SARDH: variants seen among roughly 807,000 people sequenced by gnomAD.
SARDH encodes sarcosine dehydrogenase, mitochondrial.
A neutral mutation model predicts 109.1 loss-of-function variants in SARDH; 95 were observed. The observed-to-expected ratio is 0.87, with a 90% CI of 0.74 to 1.03. The LOEUF (loss-of-function observed/expected upper bound fraction) is 1.03, where lower values mean the gene tolerates loss of function less well. SARDH is among the 50% of genes least tolerant of loss of function. The probability of loss-of-function intolerance (pLI) is 0.00; values close to 1 mark genes in which losing one functional copy is unlikely to be tolerated. For missense variants in SARDH, 1,267 were observed against 1,287.8 expected, an observed-to-expected ratio of 0.98 and a Z score of 0.25; for synonymous variants, 572 against 534.8, an observed-to-expected ratio of 1.07 and a Z score of -0.96.
intron 6 of SARDH, 75 bp downstream of exon 6, chr9:133,729,690 G>T: frequency 7.5e-6 from 10 of 1,332,936 alleles, no homozygotes; most frequent in Non-Finnish European, 9.5e-6. Context: ...ACACCACCTG[G>T]GTTCAAGCTG....
chr9:133,680,116 C>T (rs1370039638), intron 17 of SARDH, among the ~76,000 whole-genome samples: 1 of 152,192 alleles, frequency 6.6e-6, no homozygotes, highest in Non-Finnish European at 1.5e-5. Flanking sequence ...TGAAATTCTC[C>T]CTGGATTCAG....
At chr9:133,682,055 G>A (rs181228770) in intron 17 of SARDH, among the ~76,000 whole-genome samples, 123 of 152,288 alleles carry the variant, frequency 8.1e-4, no homozygotes, top group African/African-American at 2.9e-3. Context: ...AGAGTGACCC[G>A]GGACCATGAA....
At chr9:133,659,632 G>C (rs1438601400), downstream of SARDH, among the ~76,000 whole-genome samples, 4 of 152,282 alleles carry the variant, frequency 2.6e-5, no homozygotes, top group African/African-American at 9.6e-5. Context: ...GAGTCCCCTC[G>C]CATCAGCTAA....
intron 17 of SARDH, among the ~76,000 whole-genome samples, chr9:133,684,609 A>T (rs1830817257): frequency 1.3e-5 from 2 of 152,192 alleles, no homozygotes; most frequent in Admixed American, 1.3e-4. Context: ...GCCAGGTCCC[A>T]TGGAGTGCTG....
At chr9:133,662,194 G>T (rs1026015867), downstream of SARDH, among the ~76,000 whole-genome samples, 1 of 152,118 alleles carries the variant, frequency 6.6e-6, no homozygotes, top group African/African-American at 2.4e-5. This position sits in a 1 kb window ranked among gnomAD's most constrained non-coding sequence, Gnocchi z 5.1. Flanking sequence ...GCGCAGCCAG[G>T]TTCTCTCTCC....
rs1184259058 is a variant in SARDH at position 133,719,004 on chromosome 9, G to A, written c.954C>T (p.Tyr318=). ...ACAAGGCATCCCCTTGGAGGCGGAG[G>A]TAGACAGAGGCATCATGATCACGGA... The part of the protein sequence containing the change: ...PNVRDHDASV[Y]LRLQGDALSV... The change falls in exon 7 of 21, where the codon TAC becomes TAT. Residue 318 remains tyrosine, a synonymous_variant. Coordinates refer to ENST00000439388, the MANE Select transcript of SARDH (RefSeq NM_001134707.2). 4 of 1,614,226 alleles carry A rather than the reference G, an allele frequency of 2.5e-6. No individual in the cohort carries two copies. Among genetic ancestry groups the A allele is most frequent in the Middle Eastern group, 1.6e-4 (1 of 6,062 alleles).
At chr9:133,661,142 C>T (rs532148653), downstream of SARDH, among the ~76,000 whole-genome samples, 1 of 152,196 alleles carries the variant, frequency 6.6e-6, no homozygotes, top group South Asian at 2.1e-4. Flanking sequence ...TAGTTCGAGA[C>T]CAGCCTGGCC....
In SARDH at chr9:133,717,387, G is replaced by A. The variant is rs148949696; in HGVS notation, c.1089C>T (p.Gly363=). ...CCAGCACGGGGACCCTGTTGATGGC[G>A]CCTTCAATGTGCTGGGTGAACACCT... The part of the protein sequence containing the change: ...DWEVFTQHIE[G]AINRVPVLEK... The change falls in exon 8 of 21, where the codon GGC becomes GGT. Residue 363 remains glycine, a synonymous_variant. Transcript: ENST00000439388. The A allele has an allele frequency of 1.1e-4, 170 of 1,614,016 alleles. No homozygotes were observed. The highest frequency in any genetic ancestry group is 1.4e-4 in the Non-Finnish European group (163 of 1,180,014).
intron 2 of SARDH, 130 bp from the exon 3 acceptor site, chr9:133,732,731 C>A: frequency 2.0e-6 from 2 of 1,006,486 alleles, no homozygotes; most frequent in Admixed American, 2.9e-5. Flanking sequence ...CTCTGCAGGA[C>A]CTGGGGGGCC....
At chr9:133,688,002 C>A (rs779403129) in intron 16 of SARDH, among the ~76,000 whole-genome samples, 4 of 152,158 alleles carry the variant, frequency 2.6e-5, no homozygotes, top group African/African-American at 7.2e-5. Flanking sequence ...CGGCCGCCCC[C>A]GGGCCGCACC....
chr9:133,703,219 C>G, intron 12 of SARDH, 190 bp from the exon 13 acceptor site: 1 of 594,164 alleles, frequency 1.7e-6, no homozygotes, highest in Non-Finnish European at 3.0e-6. Context: ...AACAGAGGCA[C>G]AAAGGAGGCC....
At chr9:133,730,258 C>A (rs1466950544) in intron 4 of SARDH, 71 bp from the exon 5 acceptor site, 58 of 1,580,360 alleles carry the variant, frequency 3.7e-5, no homozygotes, top group Non-Finnish European at 4.7e-5. Context: ...CCACTCCAAC[C>A]AACCCCTCCT....
Position 133,685,284 on chromosome 9 carries a change from C to T in SARDH, c.2072G>A (p.Arg691Gln), listed in dbSNP as rs374259091. 22 of 1,613,140 alleles carry T rather than the reference C, an allele frequency of 1.4e-5. No individual in the cohort carries two copies. Among genetic ancestry groups the T allele is most frequent in the African/African-American group, 6.7e-5 (5 of 74,918 alleles). The change falls in exon 17 of 21, where the codon CGA becomes CAA. Residue 691 changes from arginine (R) to glutamine (Q), a missense_variant and splice_region_variant. Arg to Gln is a conservative substitution (Grantham distance 43). Coordinates refer to ENST00000439388, the MANE Select transcript of SARDH (RefSeq NM_001134707.2). ...GMISIQGPAS[R>Q]AILQEVLDAD... is the part of the protein sequence containing the mutation. ...GTCCAGCACCTCCTGCAAAATGGCT[C>T]GGCTGCAGGCAAGAGCAAAGTCGCT...
chr9:133,697,413 C>T (rs888548240), intron 13 of SARDH, among the ~76,000 whole-genome samples: 1 of 152,106 alleles, frequency 6.6e-6, no homozygotes, highest in Non-Finnish European at 1.5e-5. Flanking sequence ...AAATACTTGC[C>T]AATTCACTCT....
rs117112868 is a variant in SARDH at position 133,693,761 on chromosome 9, G to T, written c.1921+497C>A. ...GGTACTGAGCTACCTGTCCCTGAGG[G>T]TATGCAAGCAGACATGGTGGGACTG... On this transcript the variant is annotated intron_variant, in intron 15 of 20. Coordinates refer to ENST00000439388, the MANE Select transcript of SARDH (RefSeq NM_001134707.2). The surrounding 1 kb of genome is among the most constrained non-coding windows in gnomAD (Gnocchi z 5.6). Among the ~76,000 whole-genome samples the T allele has an allele frequency of 1.9e-3, 285 of 152,304 alleles. 10 individuals are homozygous for T. In the East Asian group the frequency reaches 0.052, roughly 28 times the overall value.
intron 1 of SARDH, among the ~76,000 whole-genome samples, chr9:133,734,408 CTCATTCATTCATTCAT>C (rs796631133): frequency 9.0e-6 from 1 of 110,614 alleles, no homozygotes. Flanking sequence ...CATTCATTCA[CTCATTCATTCATTCAT>C]TCACTCATTC....
intron 16 of SARDH, among the ~76,000 whole-genome samples, chr9:133,689,399 C>G (rs1022426274): frequency 3.3e-5 from 5 of 152,010 alleles, no homozygotes; most frequent in Non-Finnish European, 5.9e-5. Context: ...AGTGTCCTGG[C>G]CCCTTAGCCT....
chr9:133,698,009 TA>T (rs371381068), intron 13 of SARDH, among the ~76,000 whole-genome samples: 5,435 of 95,634 alleles, frequency 0.057, 242 homozygotes, highest in South Asian at 0.13. Context: ...AGGAATCCAC[TA>T]AAAAAAAAAA....
intron 2 of SARDH, among the ~76,000 whole-genome samples, chr9:133,733,364 G>A (rs1490103409): frequency 6.6e-6 from 1 of 152,234 alleles, no homozygotes; most frequent in Non-Finnish European, 1.5e-5. Flanking sequence ...GAAGGCAGAA[G>A]GTTGGCTGTC....
Sources: allele counts gnomAD v4.1 joint callset (sites outside exome capture counted in the v4.1 genomes callset), GRCh38; gene constraint gnomAD v4.1.1; non-coding constraint Gnocchi (gnomAD v3.1); transcripts MANE v1.5; gene names NCBI Gene and HGNC (gene_info 2026-07-23, HGNC 2026-07-21).